The following ZBTB11 variants were observed in gnomAD, a reference collection of about 807,000 sequenced individuals.
ZBTB11 encodes the protein zinc finger and BTB domain containing 11.
ZBTB11 carries 68 observed loss-of-function variants against 113.1 expected under a neutral mutation model. The ratio of observed to expected loss-of-function variants is 0.60; its 90% CI spans 0.49 to 0.74. ZBTB11 has a LOEUF of 0.74. Among genes scored for constraint, ZBTB11 ranks in the 30% least tolerant of loss-of-function variants. The pLI, the probability that ZBTB11 is intolerant of heterozygous loss-of-function variation, is 0.00. For missense variants in ZBTB11, 1,104 were observed against 1,279.4 expected, an observed-to-expected ratio of 0.86 and a Z score of 2.09; for synonymous variants, 518 against 452.6, an observed-to-expected ratio of 1.14 and a Z score of -1.83.
chr3:101,657,738 A>G (rs796965684), intron 6 of ZBTB11, among the ~76,000 whole-genome samples: 4 of 152,218 alleles, frequency 2.6e-5, no homozygotes, highest in African/African-American at 9.6e-5. Context: ...TAATCCCAGC[A>G]CTTTGGGAGG....
chr3:101,672,167 G>A lies in ZBTB11; in HGVS notation c.357C>T (p.Cys119=). 1 of 1,613,960 alleles carries A rather than the reference G, an allele frequency of 6.2e-7. No homozygotes were observed. The highest frequency in any genetic ancestry group is 8.5e-7 in the Non-Finnish European group (1 of 1,179,964). Residue 119 remains cysteine (C), a synonymous_variant, in exon 2 of 11, where the codon TGC becomes TGT. Coordinates refer to ENST00000312938, the MANE Select transcript of ZBTB11 (RefSeq NM_014415.4). ...GACGGGATCGATCTAGTTTCTCCTG[G>A]CATTTGCTACACTGTTTAATGTAAT... ...VKDYIKQCSK[C]QEKLDRSRPI...
chr3:101,671,742 AAGGG>A, intron 2 of ZBTB11: 1 of 598,422 alleles, frequency 1.7e-6, no homozygotes. Context: ...ATCACAAAAG[AAGGG>A]AGGGAGGATA....
chr3:101,669,934 T>C (rs1937061381), intron 3 of ZBTB11, among the ~76,000 whole-genome samples: 1 of 152,062 alleles, frequency 6.6e-6, no homozygotes, highest in African/African-American at 2.4e-5. Flanking sequence ...GTTCAAGCGA[T>C]TCTCCTGCCT....
chr3:101,661,044 C>T lies in ZBTB11; in HGVS notation c.1801-1016G>A, dbSNP rs148664641. Among the ~76,000 whole-genome samples the T allele has an allele frequency of 3.0e-4, 45 of 151,756 alleles. 1 individual carries two copies. The East Asian group carries it at 7.0e-3, about 24-fold the overall frequency. On this transcript the variant is annotated intron_variant, in intron 5 of 10. Coordinates refer to ENST00000312938, the MANE Select transcript of ZBTB11 (RefSeq NM_014415.4). ...TCCAGGAGTTTGAGACCAGCCTGGGCAACATGGTAAAACCCTGTCTCTACA... is the reference window on the plus strand; with the variant it reads ...TCCAGGAGTTTGAGACCAGCCTGGGTAACATGGTAAAACCCTGTCTCTACA...
chr3:101,651,047 A>C lies in ZBTB11; in HGVS notation c.*119T>G, dbSNP rs545382228. The C allele has an allele frequency of 1.6e-6, 2 of 1,244,650 alleles. No homozygotes were observed. The highest frequency in any genetic ancestry group is 2.2e-6 in the Non-Finnish European group (2 of 917,550). The allele number at this position is 1,244,650 out of a possible 1,614,324, so 77.1% of individuals were successfully genotyped here. A position where few individuals can be genotyped will look rare whatever the true frequency, so the allele number is the denominator to read the frequency against. On this transcript the variant is annotated 3_prime_UTR_variant, in exon 11 of 11. Transcript: ENST00000312938. ...AAATGTTTGGAAACGTTACGTTACC[A>C]AACAGCCCAGAACTTTGATATGTAA... is the stretch of plus-strand genomic sequence containing the variant.
intron 10 of ZBTB11, 58 bp from the exon 11 acceptor site, chr3:101,651,741 A>G (rs1163459429): frequency 2.7e-6 from 4 of 1,472,920 alleles, no homozygotes; most frequent in South Asian, 1.5e-5. Flanking sequence ...AATATACTTA[A>G]ACTGCCTACC....
chr3:101,666,022 TCA>T (rs71862526), intron 3 of ZBTB11, among the ~76,000 whole-genome samples: 1,659 of 152,282 alleles, frequency 0.011, 27 homozygotes, highest in African/African-American at 0.038. Flanking sequence ...GAAAATAGTA[TCA>T]GACTTACTAC....
At chr3:101,672,936 C>A (rs957266853) in intron 1 of ZBTB11, among the ~76,000 whole-genome samples, 2 of 152,304 alleles carry the variant, frequency 1.3e-5, no homozygotes, top group East Asian at 3.9e-4. Context: ...TGTTCTTAAA[C>A]CTGAATTTCA....
At chr3:101,656,362 T>C (rs1434319009) in intron 6 of ZBTB11, 114 bp from the exon 7 acceptor site, 2 of 640,338 alleles carry the variant, frequency 3.1e-6, no homozygotes, top group Non-Finnish European at 4.1e-6. Context: ...AATTATTTAA[T>C]TTACAATAAA....
intron 5 of ZBTB11, among the ~76,000 whole-genome samples, chr3:101,660,563 G>A (rs536053321): frequency 1.6e-4 from 25 of 152,104 alleles, no homozygotes; most frequent in Non-Finnish European, 3.1e-4. Flanking sequence ...AGTTATCTCT[G>A]ACTTTGTTTT....
chr3:101,657,370 G>T (rs1186920634), intron 6 of ZBTB11, among the ~76,000 whole-genome samples: 1 of 151,852 alleles, frequency 6.6e-6, no homozygotes, highest in African/African-American at 2.4e-5. Flanking sequence ...GCCAGGCGTG[G>T]TGGCGTGTGC....
Position 101,660,009 on chromosome 3 carries a change from T to G in ZBTB11, c.1820A>C (p.Gln607Pro). The change falls in exon 6 of 11, where the codon CAG (glutamine) becomes CCG (proline). Residue 607 changes from glutamine (Q) to proline (P), a missense_variant. By Grantham distance (76) the Gln-to-Pro change is moderately conservative. This residue lies in a region of ZBTB11 where 535 missense variants were observed against 518.6 expected (regional missense o/e 1.03). Transcript: ENST00000312938. The part of the protein sequence containing the change: ...YKCPLCKKQF[Q>P]YSASLRAHLI... Reference sequence around the variant, plus strand: ...ATGTGCTCGCAAAGAGGCACTGTACTGAAACTGTTTTTTACACAACTAAAA... The same window carrying G: ...ATGTGCTCGCAAAGAGGCACTGTACGGAAACTGTTTTTTACACAACTAAAA... The G allele has an allele frequency of 6.2e-7, 1 of 1,612,746 alleles. No homozygotes were observed. Among genetic ancestry groups the G allele is most frequent in the Non-Finnish European group, 8.5e-7 (1 of 1,178,858 alleles).
At chr3:101,670,794 C>T (rs1190249607) in intron 3 of ZBTB11, 1 of 225,848 alleles carries the variant, frequency 4.4e-6, no homozygotes, top group African/African-American at 2.3e-5. Context: ...CCACACCTAG[C>T]TTAAACAATC....
chr3:101,671,255 A>G lies in ZBTB11; in HGVS notation c.653T>C (p.Leu218Ser). 6.2e-7 allele frequency: 1 copy of G among 1,614,208 alleles called. No homozygotes were observed. The highest frequency in any genetic ancestry group is 8.5e-7 in the Non-Finnish European group (1 of 1,180,024). ...RLSNQFCDVT[L>S]LIEGEEYKAH... ...TTTGTACTCTTCTCCTTCAATTAAC[A>G]AAGTAACATCACAGAACTGGTTGGA... The change falls in exon 3 of 11, where the codon TTG (leucine) becomes TCG (serine). Residue 218 changes from leucine to serine, a missense_variant. Physicochemically the swap from Leu to Ser is moderately radical, Grantham distance 145. Coordinates refer to ENST00000312938, the MANE Select transcript of ZBTB11 (RefSeq NM_014415.4).
At chr3:101,653,050 T>A in intron 8 of ZBTB11, 112 bp from the exon 9 acceptor site, 2 of 1,165,794 alleles carry the variant, frequency 1.7e-6, no homozygotes, top group Non-Finnish European at 2.4e-6. Context: ...GATCTCAACT[T>A]AAAAGAATTC....
chr3:101,671,648 C>A, intron 2 of ZBTB11: 1 of 576,902 alleles, frequency 1.7e-6, no homozygotes, highest in East Asian at 2.8e-5. Context: ...AAAACAAAGA[C>A]CTGGCCAGAT....
At position 101,665,019 on chromosome 3, in the gene ZBTB11, C is replaced by T. The variant is rs1181330273; in HGVS notation, c.1568G>A (p.Gly523Glu). ...CCGTTTCTGCAGCTTTTTCTCCATT[C>T]CCTTGTGTAGTCGAATATATGCCCC... Reference protein sequence around the residue: ...NEGAYIRLHKGMEKKLQKRKA... With the variant: ...NEGAYIRLHKEMEKKLQKRKA... Residue 523 changes from glycine to glutamate, a missense_variant, in exon 4 of 11, where the codon GGA (glycine) becomes GAA (glutamate). By Grantham distance (98) the Gly-to-Glu change is moderately conservative (BLOSUM62 -2). This residue lies in a region of ZBTB11 where 535 missense variants were observed against 518.6 expected (regional missense o/e 1.03). Transcript: ENST00000312938. 5 of 1,614,052 alleles carry T rather than the reference C, an allele frequency of 3.1e-6. No homozygotes were observed. The East Asian group carries it at 6.7e-5, about 22-fold the overall frequency.
At chr3:101,664,237 T>G (rs1301074073) in intron 5 of ZBTB11, among the ~76,000 whole-genome samples, 2 of 152,192 alleles carry the variant, frequency 1.3e-5, no homozygotes, top group Non-Finnish European at 2.9e-5. Context: ...AGTTACTCCA[T>G]CTATTTATTT....
intron 3 of ZBTB11, among the ~76,000 whole-genome samples, chr3:101,668,457 A>C (rs1937031743): frequency 6.6e-6 from 1 of 152,086 alleles, no homozygotes; most frequent in African/African-American, 2.4e-5. Flanking sequence ...GTGAGACTCC[A>C]TCTCTATAAA....
Sources: allele counts gnomAD v4.1 joint callset (sites outside exome capture counted in the v4.1 genomes callset), GRCh38; gene constraint gnomAD v4.1.1; regional missense constraint gnomAD v4.1.1; transcripts MANE v1.5; gene names NCBI Gene and HGNC (gene_info 2026-07-23, HGNC 2026-07-21).